The following MGST1 variants were observed in gnomAD, a reference collection of about 807,000 sequenced individuals.
MGST1 encodes microsomal glutathione S-transferase 1.
In MGST1, 5 loss-of-function variants were observed where a neutral mutation model predicts 8.9. That is an observed-to-expected ratio of 0.56 (90% CI 0.29 to 1.19). MGST1 has a LOEUF of 1.19. Ranked by LOEUF, MGST1 falls within the 50% of genes most tolerant of loss-of-function variation. MGST1 has a pLI of 0.08. For synonymous variants in MGST1, 54 were observed against 67.8 expected (o/e 0.80, Z 1.00); for missense variants, 182 against 187.4 (o/e 0.97, Z 0.17).
intron 1 of MGST1, among the ~76,000 whole-genome samples, chr12:16,406,456 A>G (rs1940698565): frequency 6.6e-6 from 1 of 152,174 alleles, no homozygotes; most frequent in Admixed American, 6.5e-5. Context: ...ATGGATAGGA[A>G]GAATCAATAT....
Position 16,546,970 on chromosome 12 carries a change from G to T in MGST1, n.483-42558G>T, listed in dbSNP as rs190391024. Among the ~76,000 whole-genome samples, 111 of 152,244 alleles carry T rather than the reference G, an allele frequency of 7.3e-4. No individual in the cohort carries two copies. Among genetic ancestry groups the T allele is most frequent in the African/African-American group, 2.5e-3 (104 of 41,544 alleles). ...GTGTATACTAAAGCGTTGTAAAATT[G>T]ACTCAAGTGTTTTAGCAGCTATTCT... On this transcript the variant is annotated intron_variant and non_coding_transcript_variant, in intron 4 of 4. Coordinates refer to the MGST1 transcript ENST00000538857. The surrounding 1 kb of genome is among the most constrained non-coding windows in gnomAD (Gnocchi z 4.7).
At chr12:16,448,341 A>G (rs117884392) in intron 4 of MGST1, among the ~76,000 whole-genome samples, 2,999 of 151,990 alleles carry the variant, frequency 0.02, 43 homozygotes, top group Non-Finnish European at 0.032. Flanking sequence ...TTGAAAGACT[A>G]AAAGTGTTGG....
At chr12:16,357,749 AAGG>A (rs776893570) in intron 3 of MGST1, 50 bp downstream of exon 3, 4 of 1,524,964 alleles carry the variant, frequency 2.6e-6, no homozygotes, top group Non-Finnish European at 3.6e-6. Flanking sequence ...AATTTTGGTC[AAGG>A]AGTTCAGTGA....
chr12:16,581,082 A>G (rs1181760833), intron 4 of MGST1, among the ~76,000 whole-genome samples: 1 of 152,234 alleles, frequency 6.6e-6, no homozygotes, highest in Non-Finnish European at 1.5e-5. Flanking sequence ...TAGGTACAAG[A>G]AAACCATTGG....
chr12:16,520,045 C>A (rs1373540543), intron 4 of MGST1, among the ~76,000 whole-genome samples: 1 of 152,122 alleles, frequency 6.6e-6, no homozygotes, highest in Non-Finnish European at 1.5e-5. Context: ...CTATTTCACC[C>A]ATTTAGGACC....
chr12:16,448,561 G>A (rs996357599), intron 4 of MGST1, among the ~76,000 whole-genome samples: 3 of 151,866 alleles, frequency 2.0e-5, no homozygotes, highest in African/African-American at 7.2e-5. Flanking sequence ...ATGGTTGAAA[G>A]CAAATTCAGA....
intron 4 of MGST1, among the ~76,000 whole-genome samples, chr12:16,465,179 A>C (rs918981994): frequency 1.3e-5 from 2 of 152,160 alleles, no homozygotes; most frequent in African/African-American, 4.8e-5. Context: ...GGGAAGAAGA[A>C]CTCTACTGAC....
chr12:16,485,355 T>C (rs1370770509), intron 4 of MGST1, among the ~76,000 whole-genome samples: 1 of 152,208 alleles, frequency 6.6e-6, no homozygotes, highest in Non-Finnish European at 1.5e-5. Context: ...TTAATTAAAA[T>C]TACATAGGAT....
At chr12:16,359,159 G>T (rs1371595307) in intron 3 of MGST1, among the ~76,000 whole-genome samples, 2 of 152,140 alleles carry the variant, frequency 1.3e-5, no homozygotes, top group Non-Finnish European at 2.9e-5. Flanking sequence ...ATTTTAAGTT[G>T]TATGTTATTT....
intron 1 of MGST1, among the ~76,000 whole-genome samples, chr12:16,427,286 G>T (rs962549916): frequency 2.0e-5 from 3 of 152,142 alleles, no homozygotes; most frequent in African/African-American, 7.2e-5. Context: ...GTAAACAGGG[G>T]ATGAAGGGCA....
downstream of MGST1, among the ~76,000 whole-genome samples, chr12:16,593,016 T>C (rs1412142902): frequency 6.6e-6 from 1 of 151,870 alleles, no homozygotes; most frequent in Non-Finnish European, 1.5e-5. The surrounding 1 kb of genome is among the most constrained non-coding windows in gnomAD (Gnocchi z 4.2). Flanking sequence ...ACAGCATAAA[T>C]GAGACAGGAA....
At chr12:16,442,225 G>T (rs2137104267), downstream of MGST1, among the ~76,000 whole-genome samples, 1 of 150,914 alleles carries the variant, frequency 6.6e-6, no homozygotes, top group East Asian at 2.0e-4. The surrounding 1 kb of genome is among the most constrained non-coding windows in gnomAD (Gnocchi z 4.5). Flanking sequence ...TATGTTACTA[G>T]ATGTATCTTT....
chr12:16,514,230 C>A (rs11056970), intron 4 of MGST1: 4,720 of 304,996 alleles, frequency 0.015, 236 homozygotes, highest in East Asian at 0.14. Context: ...TGGTCTTACA[C>A]AGTGAGGGTG....
downstream of MGST1, chr12:16,364,485 C>A: frequency 4.1e-6 from 3 of 729,996 alleles, no homozygotes; most frequent in Non-Finnish European, 5.0e-6. This position sits in a 1 kb window ranked among gnomAD's most constrained non-coding sequence, Gnocchi z 5.7. Context: ...AAAAATAGTA[C>A]AAAGAACCAC....
At position 16,544,263 on chromosome 12, in the gene MGST1, C is replaced by CACACAA. The variant is rs1167716111; in HGVS notation, n.483-45264_483-45263insCACAAA. ...ACACACACACACACACACACACACACAAAACATAACCTACTAGTCAATCTG... is the reference window on the plus strand; with the variant it reads ...ACACACACACACACACACACACACACACACAAAAAACATAACCTACTAGTCAATCTG... On this transcript the variant is annotated intron_variant and non_coding_transcript_variant, in intron 4 of 4. Coordinates refer to the MGST1 transcript ENST00000538857. The surrounding 1 kb of genome is among the most constrained non-coding windows in gnomAD (Gnocchi z 4.8). 1.4e-5 allele frequency among the ~76,000 whole-genome samples: 2 copies of CACACAA among 147,484 alleles called. No homozygotes were observed. The highest frequency in any genetic ancestry group is 5.0e-5 in the African/African-American group (2 of 40,016).
At chr12:16,498,021 C>T (rs1941481051) in intron 4 of MGST1, among the ~76,000 whole-genome samples, 1 of 152,102 alleles carries the variant, frequency 6.6e-6, no homozygotes. Context: ...AAAGTCATCA[C>T]ATAAGTAAAA....
At position 16,513,927 on chromosome 12, in the gene MGST1, T is replaced by C. The variant is rs1565467377; in HGVS notation, n.483-75601T>C. 8.9e-6 allele frequency: 5 copies of C among 563,110 alleles called. No homozygotes were observed. The highest frequency in any genetic ancestry group is 1.4e-5 in the Non-Finnish European group (4 of 291,830). 34.9% of individuals were successfully genotyped at this position (563,110 alleles called of 1,614,324 possible). A position where few individuals can be genotyped will look rare whatever the true frequency, so the allele number is the denominator to read the frequency against. On this transcript the variant is annotated intron_variant and non_coding_transcript_variant, in intron 4 of 4. Transcript: ENST00000538857. This position sits in a 1 kb window ranked among gnomAD's most constrained non-coding sequence, Gnocchi z 4.2. ...TGCAGCTACAAGGTTATCGATACTA[T>C]GACCGCAAGACTTGCGGTTTTGACT...
chr12:16,519,879 A>G (rs1208834820), intron 4 of MGST1, among the ~76,000 whole-genome samples: 1 of 152,172 alleles, frequency 6.6e-6, no homozygotes, highest in Non-Finnish European at 1.5e-5. Context: ...TATCAGTTTG[A>G]CCCACTTGAA....
At chr12:16,529,510 G>A (rs11056988) in intron 4 of MGST1, among the ~76,000 whole-genome samples, 5 of 152,068 alleles carry the variant, frequency 3.3e-5, no homozygotes, top group South Asian at 4.1e-4. Context: ...TTTCATTGTC[G>A]TTTTAAATTT....
Sources: gnomAD v4.1 joint callset for allele counts (sites outside exome capture counted in the v4.1 genomes callset) on GRCh38, gnomAD v4.1.1 for gene constraint, Gnocchi (gnomAD v3.1) non-coding constraint, MANE v1.5 for transcripts, NCBI Gene and HGNC (gene_info 2026-07-23, HGNC 2026-07-21) for gene names.